The following LCOR variants were observed in gnomAD, a reference collection of about 807,000 sequenced individuals.
The protein encoded by LCOR is ligand-dependent corepressor.
Under a neutral mutation model 64.4 loss-of-function variants are expected in LCOR, and 14 were observed. The ratio of observed to expected loss-of-function variants is 0.22; its 90% CI spans 0.14 to 0.34. The LOEUF is 0.34. LCOR is among the 10% of genes least tolerant of loss of function. The probability of loss-of-function intolerance (pLI) is 1.00; values close to 1 mark genes in which losing one functional copy is unlikely to be tolerated. For synonymous variants in LCOR, 643 were observed against 642.5 expected (o/e 1.00, Z -0.01); for missense variants, 1,686 against 1,765.3 (o/e 0.96, Z 0.80).
At chr10:96,837,595 A>G (rs1326830849) in intron 2 of LCOR, among the ~76,000 whole-genome samples, 1 of 152,164 alleles carries the variant, frequency 6.6e-6, no homozygotes, top group African/African-American at 2.4e-5. Flanking sequence ...GGACAATATT[A>G]TCATCCACAA....
rs1379725748 is a variant in LCOR, at chr10:96,870,041, G to GTTT, written c.-330+36563_-330+36565dup. On this transcript the variant is annotated intron_variant, in intron 2 of 7. Transcript: ENST00000421806. Reference sequence around the variant, plus strand: ...CTAAACTTCTAACCATAAGTTCTTTGTTTGTTGTTGTTGTTGTTGTTGTTG... The same window carrying GTTT: ...CTAAACTTCTAACCATAAGTTCTTTGTTTTTTGTTGTTGTTGTTGTTGTTGTTG... 1.7e-4 allele frequency among the ~76,000 whole-genome samples: 26 copies of GTTT among 151,588 alleles called. No homozygotes were observed. In the South Asian group the frequency reaches 2.1e-3, roughly 12 times the overall value.
intron 7 of LCOR, among the ~76,000 whole-genome samples, chr10:96,954,000 A>G (rs548629816): frequency 2.6e-5 from 4 of 152,326 alleles, no homozygotes; most frequent in African/African-American, 9.6e-5. Flanking sequence ...AACTTTGTCT[A>G]AGTAGTTGAC....
At position 96,986,474 on chromosome 10, in the gene LCOR, A is replaced by C. The variant is rs1443790977; in HGVS notation, c.*1340A>C. ...AATGTACTTGTTGGAGTAGACGTTCATTCTGATTGATTAACACCATCCTAG... is the reference window on the plus strand; with the variant it reads ...AATGTACTTGTTGGAGTAGACGTTCCTTCTGATTGATTAACACCATCCTAG... On this transcript the variant is annotated 3_prime_UTR_variant, in exon 8 of 8. Coordinates refer to ENST00000421806, the MANE Select transcript of LCOR (RefSeq NM_001346516.2). 2 of 152,228 alleles carry C rather than the reference A, an allele frequency of 1.3e-5. No homozygotes were observed. The highest frequency in any genetic ancestry group is 1.5e-5 in the Non-Finnish European group (1 of 68,032). 9.4% of individuals were successfully genotyped at this position (152,228 alleles called of 1,614,324 possible).
intron 6 of LCOR, among the ~76,000 whole-genome samples, chr10:96,950,119 G>A (rs779502578): frequency 6.6e-6 from 1 of 152,050 alleles, no homozygotes; most frequent in Non-Finnish European, 1.5e-5. Context: ...GTACTAATGA[G>A]ATTTTATTGT....
At chr10:96,873,557 TAC>T (rs34692687) in intron 2 of LCOR, among the ~76,000 whole-genome samples, 3,131 of 138,014 alleles carry the variant, frequency 0.023, 78 homozygotes, top group African/African-American at 0.056. Context: ...TGTTTTTCGA[TAC>T]ACACACACAC....
intron 2 of LCOR, among the ~76,000 whole-genome samples, chr10:96,846,323 A>C (rs1845629553): frequency 6.6e-6 from 1 of 151,794 alleles, no homozygotes; most frequent in South Asian, 2.1e-4. Flanking sequence ...TGTGCATTCT[A>C]GGCTCACTGC....
chr10:96,966,301 T>C (rs1441330549), intron 7 of LCOR, among the ~76,000 whole-genome samples: 2 of 137,494 alleles, frequency 1.5e-5, no homozygotes, highest in East Asian at 2.3e-4. Context: ...CGATCTCGGC[T>C]CACTGCAAAC....
chr10:96,932,935 T>A (rs2134492471), intron 4 of LCOR, among the ~76,000 whole-genome samples: 1 of 152,340 alleles, frequency 6.6e-6, no homozygotes, highest in Non-Finnish European at 1.5e-5. Context: ...TCTCTTATAG[T>A]AATCTATCCC....
At chr10:96,958,138 G>A (rs1847814879) in intron 7 of LCOR, 1 of 1,206,324 alleles carries the variant, frequency 8.3e-7, no homozygotes, top group African/African-American at 1.5e-5. Context: ...CGTAATGTTT[G>A]GGATATTCAG....
At chr10:96,895,907 A>G (rs144378751) in intron 2 of LCOR, among the ~76,000 whole-genome samples, 23 of 152,180 alleles carry the variant, frequency 1.5e-4, no homozygotes, top group African/African-American at 5.1e-4. Context: ...ACATAGCAAG[A>G]CTCTGTCTGA....
intron 2 of LCOR, among the ~76,000 whole-genome samples, chr10:96,853,779 A>G (rs1434699479): frequency 3.3e-5 from 5 of 152,200 alleles, no homozygotes; most frequent in Non-Finnish European, 1.5e-5. Context: ...TTTATAAAGA[A>G]AAGAGGTTTA....
intron 4 of LCOR, among the ~76,000 whole-genome samples, chr10:96,929,599 C>G (rs1387952644): frequency 6.6e-6 from 1 of 152,198 alleles, no homozygotes; most frequent in African/African-American, 2.4e-5. Context: ...AGCTGTTTTA[C>G]TTTGTCATTT....
At chr10:96,918,909 C>G (rs1847000853) in intron 4 of LCOR, among the ~76,000 whole-genome samples, 1 of 152,180 alleles carries the variant, frequency 6.6e-6, no homozygotes, top group Non-Finnish European at 1.5e-5. Context: ...ATCTGCAGCA[C>G]TGCTCAAAGT....
At chr10:96,924,804 A>T (rs1847139982) in intron 4 of LCOR, among the ~76,000 whole-genome samples, 1 of 152,158 alleles carries the variant, frequency 6.6e-6, no homozygotes, top group African/African-American at 2.4e-5. Context: ...ATTTCCCTTT[A>T]TCCTAAGAAC....
At chr10:96,855,214 G>C (rs1400922937) in intron 2 of LCOR, among the ~76,000 whole-genome samples, 2 of 152,162 alleles carry the variant, frequency 1.3e-5, no homozygotes, top group Middle Eastern at 3.2e-3. Context: ...AGCTACCATG[G>C]GGGGAGAGCT....
chr10:96,864,607 T>G (rs1845940372), intron 2 of LCOR, among the ~76,000 whole-genome samples: 1 of 152,226 alleles, frequency 6.6e-6, no homozygotes, highest in Non-Finnish European at 1.5e-5. Context: ...GACGTTGTTC[T>G]CTGCATGTAT....
At chr10:96,896,067 AAG>A in intron 2 of LCOR, among the ~76,000 whole-genome samples, 1 of 152,236 alleles carries the variant, frequency 6.6e-6, no homozygotes, top group Admixed American at 6.5e-5. Flanking sequence ...GGGCAACAGA[AAG>A]AGACTCTGTC....
intron 2 of LCOR, among the ~76,000 whole-genome samples, chr10:96,854,401 A>G (rs372500916): frequency 7.9e-5 from 12 of 152,180 alleles, no homozygotes; most frequent in African/African-American, 2.6e-4. Context: ...TCTCGGCTCA[A>G]CCACAGCCTC....
intron 7 of LCOR, chr10:96,957,024 A>T (rs1230228322): frequency 1.0e-6 from 1 of 985,252 alleles, no homozygotes; most frequent in East Asian, 1.1e-4. Flanking sequence ...CCATGTTTGT[A>T]GTGAGAGAAA....
Sources: allele counts gnomAD v4.1 joint callset (sites outside exome capture counted in the v4.1 genomes callset), GRCh38; gene constraint gnomAD v4.1.1; transcripts MANE v1.5; gene names NCBI Gene and HGNC (gene_info 2026-07-23, HGNC 2026-07-21).